ARMH4: variants seen among roughly 807,000 people sequenced by gnomAD.
ARMH4 encodes armadillo like helical domain containing 4.
Under a neutral mutation model 61.9 loss-of-function variants are expected in ARMH4, and 49 were observed. The observed-to-expected ratio is 0.79, with a 90% CI of 0.63 to 1.00. The LOEUF is 1.00. Among genes scored for constraint, ARMH4 ranks in the 50% least tolerant of loss-of-function variants. ARMH4 has a pLI of 0.00. For missense variants in ARMH4, 934 were observed against 930.0 expected, an observed-to-expected ratio of 1.00 and a Z score of -0.06; for synonymous variants, 368 against 341.5, an observed-to-expected ratio of 1.08 and a Z score of -0.85.
At chr14:58,139,461 T>A in intron 1 of ARMH4, 47 bp from the exon 2 acceptor site, 1 of 1,037,286 alleles carries the variant, frequency 9.6e-7, no homozygotes, top group Non-Finnish European at 1.4e-6. Flanking sequence ...ATACATGTTG[T>A]AAATAAGTCT....
intron 1 of ARMH4, among the ~76,000 whole-genome samples, chr14:58,149,190 TAA>T (rs1887844706): frequency 6.6e-6 from 1 of 152,212 alleles, no homozygotes; most frequent in Non-Finnish European, 1.5e-5. Context: ...GCTGAGCTTA[TAA>T]AGACTCTCAC....
chr14:58,068,877 C>A (rs540995069), intron 5 of ARMH4, among the ~76,000 whole-genome samples: 2 of 151,856 alleles, frequency 1.3e-5, no homozygotes, highest in Admixed American at 6.6e-5. Context: ...CATGGTGGTG[C>A]GCACCTGTAA....
intron 5 of ARMH4, among the ~76,000 whole-genome samples, chr14:58,055,667 C>T (rs1197488062): frequency 2.6e-5 from 4 of 152,116 alleles, no homozygotes; most frequent in Non-Finnish European, 4.4e-5. Flanking sequence ...ATCTCAGTCA[C>T]CCCCCACCCT....
At position 58,138,406 on chromosome 14, in the gene ARMH4, T is replaced by C. The variant is rs757266518; in HGVS notation, c.953A>G (p.Lys318Arg). The change falls in exon 2 of 8, where the codon AAA (lysine) becomes AGA (arginine). Residue 318 changes from lysine (K) to arginine (R), a missense_variant. Physicochemically the swap from Lys to Arg is conservative, Grantham distance 26. Coordinates refer to ENST00000267485, the MANE Select transcript of ARMH4 (RefSeq NM_001001872.4). The part of the protein sequence containing the change: ...SALSDEWDDT[K>R]LESVSRIRTP... ...CCTTATCCGGCTTACACTCTCTAAT[T>C]TGGTGTCATCCCACTCATCACTTAA... 55 of 1,614,030 alleles carry C rather than the reference T, an allele frequency of 3.4e-5. No homozygotes were observed. In the Admixed American group the frequency reaches 4.3e-4, roughly 13 times the overall value.
chr14:58,045,038 G>A (rs1164219335), intron 5 of ARMH4, among the ~76,000 whole-genome samples: 2 of 152,224 alleles, frequency 1.3e-5, no homozygotes, highest in African/African-American at 4.8e-5. Context: ...TTCAACCATT[G>A]TGGAAGACAG....
intron 4 of ARMH4, among the ~76,000 whole-genome samples, chr14:58,120,877 T>A (rs1407590070): frequency 6.6e-6 from 1 of 152,210 alleles, no homozygotes; most frequent in African/African-American, 2.4e-5. Context: ...CATTTCAACA[T>A]ATGGCAAAGA....
At chr14:58,053,074 C>T (rs891408340) in intron 5 of ARMH4, among the ~76,000 whole-genome samples, 2 of 152,214 alleles carry the variant, frequency 1.3e-5, no homozygotes, top group Non-Finnish European at 2.9e-5. Context: ...AATCCATCCA[C>T]TCTTCTTCCT....
intron 5 of ARMH4, among the ~76,000 whole-genome samples, chr14:58,044,052 T>C (rs932419033): frequency 6.8e-4 from 104 of 152,268 alleles, no homozygotes; most frequent in Non-Finnish European, 1.2e-3. Context: ...AGGTAATTTA[T>C]AGATTCAATG....
chr14:58,119,349 ATTGT>A (rs1886642978), intron 4 of ARMH4, among the ~76,000 whole-genome samples: 1 of 152,212 alleles, frequency 6.6e-6, no homozygotes, highest in African/African-American at 2.4e-5. Context: ...AAGGTTTGTA[ATTGT>A]TTGTCCTCCA....
intron 5 of ARMH4, among the ~76,000 whole-genome samples, chr14:58,018,714 AG>A (rs980612882): frequency 5.9e-5 from 9 of 152,194 alleles, no homozygotes; most frequent in African/African-American, 2.2e-4. Context: ...AACAGTATGG[AG>A]TTTCCTCAAA....
At chr14:58,022,215 C>T (rs180670598) in intron 5 of ARMH4, among the ~76,000 whole-genome samples, 2 of 152,152 alleles carry the variant, frequency 1.3e-5, no homozygotes, top group Admixed American at 6.6e-5. Flanking sequence ...AACAGCATAA[C>T]GTCTTCAACT....
chr14:58,074,309 G>A (rs1361068110), intron 5 of ARMH4, among the ~76,000 whole-genome samples: 1 of 152,082 alleles, frequency 6.6e-6, no homozygotes, highest in Non-Finnish European at 1.5e-5. Context: ...AAGTGGAGTT[G>A]TACCCTAACC....
chr14:58,041,545 A>G (rs1883704594), intron 5 of ARMH4, among the ~76,000 whole-genome samples: 1 of 152,200 alleles, frequency 6.6e-6, no homozygotes, highest in African/African-American at 2.4e-5. Context: ...ACTAACAAGC[A>G]AAATAACCAG....
At chr14:58,084,243 G>A (rs903899479) in intron 5 of ARMH4, among the ~76,000 whole-genome samples, 1 of 152,112 alleles carries the variant, frequency 6.6e-6, no homozygotes, top group Admixed American at 6.5e-5. Flanking sequence ...CCCATGGTTT[G>A]CCCCACCTTC....
intron 5 of ARMH4, among the ~76,000 whole-genome samples, chr14:58,066,750 A>G (rs1314192254): frequency 6.6e-6 from 1 of 152,200 alleles, no homozygotes; most frequent in Non-Finnish European, 1.5e-5. Flanking sequence ...TCCAAATACT[A>G]TATTTCATGG....
intron 4 of ARMH4, among the ~76,000 whole-genome samples, chr14:58,123,289 C>T (rs1351278584): frequency 6.6e-6 from 1 of 152,072 alleles, no homozygotes; most frequent in Non-Finnish European, 1.5e-5. Flanking sequence ...GAAGTCTTGC[C>T]AACAGAAGGA....
intron 5 of ARMH4, among the ~76,000 whole-genome samples, chr14:58,015,511 T>C (rs1566540560): frequency 6.6e-6 from 1 of 152,180 alleles, no homozygotes; most frequent in Non-Finnish European, 1.5e-5. Context: ...TGCATAGTAT[T>C]GAACACTCAG....
intron 5 of ARMH4, among the ~76,000 whole-genome samples, chr14:58,087,091 G>T (rs1045566907): frequency 1.3e-5 from 2 of 152,070 alleles, no homozygotes; most frequent in Non-Finnish European, 2.9e-5. Context: ...TGAACTGTTG[G>T]CTCCTCTAAT....
intron 3 of ARMH4, among the ~76,000 whole-genome samples, chr14:58,132,766 T>C (rs987644308): frequency 2.0e-5 from 3 of 151,930 alleles, no homozygotes; most frequent in African/African-American, 7.3e-5. Context: ...TTTGTATTTT[T>C]AGTAGAGACG....
Sources: allele counts gnomAD v4.1 joint callset (sites outside exome capture counted in the v4.1 genomes callset), GRCh38; gene constraint gnomAD v4.1.1; transcripts MANE v1.5; gene names NCBI Gene and HGNC (gene_info 2026-07-23, HGNC 2026-07-21).